AASDHPPT: variants seen among roughly 807,000 people sequenced by gnomAD.
AASDHPPT encodes aminoadipate-semialdehyde dehydrogenase-phosphopantetheinyl transferase.
In AASDHPPT, 23 loss-of-function variants were observed where a neutral mutation model predicts 36.4. That is an observed-to-expected ratio of 0.63 (90% confidence interval 0.45 to 0.89). The LOEUF is 0.89. Among genes scored for constraint, AASDHPPT ranks in the 40% least tolerant of loss-of-function variants. AASDHPPT has a pLI of 0.00. For synonymous variants in AASDHPPT, 115 were observed against 128.0 expected (o/e 0.90, Z 0.68); for missense variants, 377 against 378.2 (o/e 1.00, Z 0.03).
rs556969839 is a variant in AASDHPPT, at chr11:106,094,297, T to C, written c.694-286T>C. On this transcript the variant is annotated intron_variant, in intron 4 of 5. Coordinates refer to ENST00000278618, the MANE Select transcript of AASDHPPT (RefSeq NM_015423.3). ...AATTTGGAATACAGCTAATAAAGTA[T>C]TGTTTCAATGTTAAACTTACTGACG... The C allele has an allele frequency of 2.4e-3, 549 of 233,292 alleles. 1 individual carries two copies. The highest frequency in any genetic ancestry group is 3.8e-3 in the Non-Finnish European group (464 of 122,134). The allele number at this position is 233,292 out of a possible 1,614,324, so 14.5% of individuals were successfully genotyped here.
rs1337480425 is a variant in AASDHPPT, at chr11:106,097,497, CAT to C, written c.*592_*593del. ...CTAAGTAACCTAGGAAATTGTTTGA[CAT>C]AACACAGGGTTCAGGGGTGTCATTA... On this transcript the variant is annotated 3_prime_UTR_variant, in exon 6 of 6. Transcript: ENST00000278618. 3 of 152,500 alleles carry C rather than the reference CAT, an allele frequency of 2.0e-5. No individual in the cohort carries two copies. The East Asian group carries it at 5.8e-4, about 29-fold the overall frequency. 9.4% of individuals were successfully genotyped at this position (152,500 alleles called of 1,614,324 possible).
Position 106,096,729 on chromosome 11 carries a change from C to G in AASDHPPT, c.766-14C>G, listed in dbSNP as rs1309520761. Reference sequence around the variant, plus strand: ...TGCAATATAACAATAAGGTAATCTGCTTTTGTCTTTTAGGTTCCATCTCAG... The same window carrying G: ...TGCAATATAACAATAAGGTAATCTGGTTTTGTCTTTTAGGTTCCATCTCAG... On this transcript the variant is annotated splice_polypyrimidine_tract_variant and intron_variant, in intron 5 of 5. Transcript: ENST00000278618. 6.4e-7 allele frequency: 1 copy of G among 1,555,238 alleles called. No individual in the cohort carries two copies. Among genetic ancestry groups the G allele is most frequent in the Non-Finnish European group, 8.7e-7 (1 of 1,155,304 alleles).
chr11:106,078,445 G>C (rs867343412), intron 1 of AASDHPPT, among the ~76,000 whole-genome samples: 16 of 152,170 alleles, frequency 1.1e-4, no homozygotes, highest in Admixed American at 1.3e-4. Context: ...ATGGGAAACA[G>C]TATTTTACGT....
intron 2 of AASDHPPT, among the ~76,000 whole-genome samples, chr11:106,087,913 T>A (rs190058584): frequency 6.6e-5 from 10 of 152,328 alleles, no homozygotes; most frequent in Non-Finnish European, 1.3e-4. Flanking sequence ...TCAAATAGTT[T>A]AAGGGACAAA....
chr11:106,077,832 A>T lies in AASDHPPT; in HGVS notation c.122A>T (p.Gln41Leu). 6.2e-7 allele frequency: 1 copy of T among 1,614,184 alleles called. No homozygotes were observed. Among genetic ancestry groups the T allele is most frequent in the Non-Finnish European group, 8.5e-7 (1 of 1,180,002 alleles). Residue 41 changes from glutamine to leucine, a missense_variant, in exon 1 of 6, where the codon CAG becomes CTG. Gln to Leu is a moderately radical substitution (Grantham distance 113, BLOSUM62 -2). Coordinates refer to ENST00000278618, the MANE Select transcript of AASDHPPT (RefSeq NM_015423.3). ...AEWLLAVRSI[Q>L]PEEKERIGQF... Reference sequence around the variant, plus strand: ...TGGCTGCTGGCAGTGCGATCGATTCAGCCCGAGGAGAAGGAGCGCATTGGC... The same window carrying T: ...TGGCTGCTGGCAGTGCGATCGATTCTGCCCGAGGAGAAGGAGCGCATTGGC...
At chr11:106,095,659 A>G (rs981654880) in intron 5 of AASDHPPT, 1 of 152,206 alleles carries the variant, frequency 6.6e-6, no homozygotes, top group Non-Finnish European at 1.5e-5. Flanking sequence ...ATCAATATAT[A>G]TGCATCGTTA....
At chr11:106,096,533 G>T (rs1861315657) in intron 5 of AASDHPPT, 1 of 385,300 alleles carries the variant, frequency 2.6e-6, no homozygotes, top group African/African-American at 2.1e-5. Context: ...ATATAAAAAA[G>T]TTCAAGAATC....
intron 5 of AASDHPPT, 72 bp downstream of exon 5, chr11:106,094,726 A>G (rs1458958130): frequency 1.6e-6 from 2 of 1,212,490 alleles, no homozygotes; most frequent in Non-Finnish European, 2.3e-6. Context: ...ATTGATGGAA[A>G]TAGTCATTTG....
chr11:106,077,976 C>T (rs931903378), intron 1 of AASDHPPT, 83 bp downstream of exon 1: 1 of 1,467,284 alleles, frequency 6.8e-7, no homozygotes, highest in African/African-American at 1.4e-5. Context: ...CCCGACACTC[C>T]CGCGCTGGCC....
chr11:106,096,651 G>A, intron 5 of AASDHPPT, 92 bp from the exon 6 acceptor site: 1 of 1,021,716 alleles, frequency 9.8e-7, no homozygotes, highest in South Asian at 2.1e-5. Context: ...CTACTGAAAT[G>A]TAAGTTGGTC....
Position 106,097,949 on chromosome 11 carries a change from C to T in AASDHPPT, c.*1042C>T, listed in dbSNP as rs1861334095. On this transcript the variant is annotated 3_prime_UTR_variant, in exon 6 of 6. Transcript: ENST00000278618. ...TGCAGTTTATTACTACAAGCAGTGGCAGAGTGAATGTCCTTGTACATTTTG... is the reference window on the plus strand; with the variant it reads ...TGCAGTTTATTACTACAAGCAGTGGTAGAGTGAATGTCCTTGTACATTTTG... 1.3e-5 allele frequency: 2 copies of T among 152,068 alleles called. No individual in the cohort carries two copies. Among genetic ancestry groups the T allele is most frequent in the Admixed American group, 1.3e-4 (2 of 15,250 alleles). The allele number at this position is 152,068 out of a possible 1,614,324, so 9.4% of individuals were successfully genotyped here.
At chr11:106,088,739 C>G (rs1861224549) in intron 2 of AASDHPPT, among the ~76,000 whole-genome samples, 1 of 152,006 alleles carries the variant, frequency 6.6e-6, no homozygotes, top group South Asian at 2.1e-4. Context: ...GAGGAGTAAA[C>G]ACCAGACAAC....
In AASDHPPT at chr11:106,077,969, G is replaced by A. The variant is rs1028461896; in HGVS notation, c.183+76G>A. On this transcript the variant is annotated intron_variant, in intron 1 of 5. Transcript: ENST00000278618. ...GAGGCGGGCCGGGCTGTGGAGACCC[G>A]ACACTCCCGCGCTGGCCGCGACCCT... is the stretch of plus-strand genomic sequence containing the variant. The A allele has an allele frequency of 3.3e-6, 5 of 1,510,138 alleles. No individual in the cohort carries two copies. The African/African-American group carries it at 6.9e-5, about 21-fold the overall frequency. 93.5% of individuals were successfully genotyped at this position (1,510,138 alleles called of 1,614,324 possible).
intron 5 of AASDHPPT, among the ~76,000 whole-genome samples, chr11:106,095,544 A>G (rs1008081576): frequency 6.6e-6 from 1 of 152,326 alleles, no homozygotes; most frequent in East Asian, 1.9e-4. Flanking sequence ...GATTTCATAT[A>G]ATTGTGATTC....
intron 2 of AASDHPPT, among the ~76,000 whole-genome samples, chr11:106,081,386 C>T (rs1297334004): frequency 6.6e-6 from 1 of 152,098 alleles, no homozygotes; most frequent in East Asian, 1.9e-4. Flanking sequence ...TTTTGTTTAC[C>T]TCCTGAAACT....
chr11:106,092,815 T>G (rs559757058), intron 4 of AASDHPPT: 1 of 152,324 alleles, frequency 6.6e-6, no homozygotes, highest in South Asian at 2.1e-4. Flanking sequence ...CAGCATTTTA[T>G]TATAAATGAG....
intron 2 of AASDHPPT, among the ~76,000 whole-genome samples, chr11:106,083,690 ATTAT>A (rs1861167464): frequency 6.6e-6 from 1 of 152,198 alleles, no homozygotes; most frequent in Non-Finnish European, 1.5e-5. Context: ...TGGATAAAAG[ATTAT>A]TTATTAAATG....
intron 2 of AASDHPPT, among the ~76,000 whole-genome samples, chr11:106,088,716 T>G (rs1033484700): frequency 6.6e-6 from 1 of 152,056 alleles, no homozygotes; most frequent in Non-Finnish European, 1.5e-5. Context: ...AATGTTAGTC[T>G]CAGGAAGGTG....
intron 1 of AASDHPPT, 129 bp from the exon 2 acceptor site, chr11:106,079,338 A>T: frequency 1.3e-6 from 1 of 743,848 alleles, no homozygotes; most frequent in Non-Finnish European, 2.1e-6. Context: ...ACGTGTGTTT[A>T]ATACTTAAGT....
Sources: allele counts gnomAD v4.1 joint callset (sites outside exome capture counted in the v4.1 genomes callset), GRCh38; gene constraint gnomAD v4.1.1; transcripts MANE v1.5; gene names NCBI Gene and HGNC (gene_info 2026-07-23, HGNC 2026-07-21).